The following TAF1B variants were observed in gnomAD, a reference collection of about 807,000 sequenced individuals.
TAF1B encodes the protein TATA box-binding protein-associated factor RNA polymerase I subunit B.
Under a neutral mutation model 83.9 loss-of-function variants are expected in TAF1B, and 61 were observed. The ratio of observed to expected loss-of-function variants is 0.73; its 90% CI spans 0.59 to 0.90. The LOEUF (loss-of-function observed/expected upper bound fraction) is 0.90. Among genes scored for constraint, TAF1B ranks in the 40% least tolerant of loss-of-function variants. The pLI is 0.00. For synonymous variants in TAF1B, 221 were observed against 224.6 expected, an observed-to-expected ratio of 0.98 and a Z score of 0.14; for missense variants, 625 against 677.0, an observed-to-expected ratio of 0.92 and a Z score of 0.85.
chr2:9,858,959 C>T (rs1438750483), intron 5 of TAF1B, among the ~76,000 whole-genome samples: 1 of 152,196 alleles, frequency 6.6e-6, no homozygotes, highest in Admixed American at 6.5e-5. Context: ...ATTGTCTTGA[C>T]TATTAACATT....
rs185347662 is a variant in TAF1B at position 9,890,264 on chromosome 2, C to T, written c.807+7459C>T. On this transcript the variant is annotated intron_variant, in intron 8 of 14. Coordinates refer to ENST00000263663, the MANE Select transcript of TAF1B (RefSeq NM_005680.3). ...TGCTGTCTGTTGTCCAATGCTTGAA[C>T]CTGTTCTTTCATATATTTTTTCCAG... Among the ~76,000 whole-genome samples, 7 of 152,234 alleles carry T rather than the reference C, an allele frequency of 4.6e-5. No homozygotes were observed. In the East Asian group the frequency reaches 1.4e-3, roughly 29 times the overall value.
intron 8 of TAF1B, among the ~76,000 whole-genome samples, chr2:9,897,769 C>T (rs976905876): frequency 6.6e-6 from 1 of 152,162 alleles, no homozygotes; most frequent in African/African-American, 2.4e-5. Context: ...TAGATTTGTT[C>T]ACCTTCTTAC....
intron 12 of TAF1B, among the ~76,000 whole-genome samples, chr2:9,918,423 C>T (rs1665757273): frequency 6.6e-6 from 1 of 152,104 alleles, no homozygotes; most frequent in African/African-American, 2.4e-5. Context: ...TGGAGGGAAC[C>T]CCAAGAGCCA....
intron 14 of TAF1B, among the ~76,000 whole-genome samples, chr2:9,932,036 C>G (rs1439270562): frequency 6.6e-6 from 1 of 152,196 alleles, no homozygotes; most frequent in Admixed American, 6.5e-5. Context: ...AAGGTCTTCT[C>G]TACGCTGTTT....
chr2:9,920,627 C>T (rs966377598), intron 14 of TAF1B, among the ~76,000 whole-genome samples: 3 of 151,942 alleles, frequency 2.0e-5, no homozygotes, highest in Non-Finnish European at 2.9e-5. Flanking sequence ...AGTGATCACC[C>T]AGTCAAGGTG....
intron 14 of TAF1B, 83 bp downstream of exon 14, chr2:9,919,903 A>C: frequency 1.5e-6 from 2 of 1,340,694 alleles, no homozygotes; most frequent in Non-Finnish European, 1.0e-6. Context: ...TTGGAATTAG[A>C]AGCTGGTGAG....
At chr2:9,926,521 A>G (rs1474259222) in intron 14 of TAF1B, among the ~76,000 whole-genome samples, 1 of 152,124 alleles carries the variant, frequency 6.6e-6, no homozygotes, top group Non-Finnish European at 1.5e-5. Flanking sequence ...TGGATAGCCT[A>G]TATGTTGATG....
intron 3 of TAF1B, among the ~76,000 whole-genome samples, chr2:9,850,784 C>G (rs568923421): frequency 6.6e-6 from 1 of 152,156 alleles, no homozygotes; most frequent in African/African-American, 2.4e-5. Context: ...AAACATGTAA[C>G]TCTGTCTATT....
At chr2:9,895,105 C>A (rs556788043) in intron 8 of TAF1B, among the ~76,000 whole-genome samples, 1 of 152,194 alleles carries the variant, frequency 6.6e-6, no homozygotes, top group African/African-American at 2.4e-5. Flanking sequence ...AAGTTGACAA[C>A]GCGTTTCTAA....
At chr2:9,843,779 T>G (rs535506824) in intron 1 of TAF1B, 4 of 507,064 alleles carry the variant, frequency 7.9e-6, no homozygotes, top group Non-Finnish European at 1.4e-5. Flanking sequence ...GGCGAGGTTG[T>G]GGGGGAGGGA....
At position 9,928,650 on chromosome 2, in the gene TAF1B, GCTCT is replaced by G. The variant is rs61291539; in HGVS notation, c.1566-5130_1566-5127del. Among the ~76,000 whole-genome samples, 601 of 152,258 alleles carry G rather than the reference GCTCT, an allele frequency of 3.9e-3. 3 individuals carry two copies. Among genetic ancestry groups the G allele is most frequent in the African/African-American group, 0.014 (562 of 41,558 alleles). ...TGAATGGGAGTTCACTCATGATTTAGCTCTCTGTTTGTCTGTTATTGGTGTAAAG... is the reference window on the plus strand; with the variant it reads ...TGAATGGGAGTTCACTCATGATTTAGCTGTTTGTCTGTTATTGGTGTAAAG... On this transcript the variant is annotated intron_variant, in intron 14 of 14. Transcript: ENST00000263663.
At chr2:9,888,238 C>A (rs907171243) in intron 8 of TAF1B, among the ~76,000 whole-genome samples, 2 of 152,068 alleles carry the variant, frequency 1.3e-5, no homozygotes, top group African/African-American at 4.8e-5. Flanking sequence ...AAGACCCTTA[C>A]AACAGAGTAT....
chr2:9,918,971 G>A, intron 12 of TAF1B, 70 bp from the exon 13 acceptor site: 4 of 1,287,054 alleles, frequency 3.1e-6, no homozygotes, highest in Non-Finnish European at 4.5e-6. Context: ...ATCTCAGATA[G>A]TGCTTCAGAC....
In TAF1B at chr2:9,923,131, G is replaced by A. The variant is rs184344292; in HGVS notation, c.1565+3311G>A. ...GGTGGTGCACGTGTATAATCTACTC[G>A]GGAGGCTGAGGCATGAGAATCACTT... On this transcript the variant is annotated intron_variant, in intron 14 of 14. Transcript: ENST00000263663. 1.7e-3 allele frequency among the ~76,000 whole-genome samples: 258 copies of A among 151,626 alleles called. 3 individuals carry two copies. The highest frequency in any genetic ancestry group is 6.1e-3 in the African/African-American group (251 of 41,322).
intron 5 of TAF1B, among the ~76,000 whole-genome samples, chr2:9,861,505 G>A (rs1180736648): frequency 6.6e-6 from 1 of 152,254 alleles, no homozygotes; most frequent in Non-Finnish European, 1.5e-5. Context: ...GCCTCTGTAG[G>A]CTCCACCTCT....
chr2:9,858,340 G>C (rs1663631545), intron 5 of TAF1B, among the ~76,000 whole-genome samples: 1 of 152,300 alleles, frequency 6.6e-6, no homozygotes, highest in South Asian at 2.1e-4. Flanking sequence ...ACAAGGTCTT[G>C]GGCAGCTTTG....
At chr2:9,920,645 G>T (rs183096618) in intron 14 of TAF1B, among the ~76,000 whole-genome samples, 2 of 151,970 alleles carry the variant, frequency 1.3e-5, no homozygotes, top group African/African-American at 4.8e-5. Flanking sequence ...GTGCTGTGTC[G>T]TTTTTCCACA....
chr2:9,877,457 C>T (rs544832011), intron 7 of TAF1B, among the ~76,000 whole-genome samples: 3 of 152,290 alleles, frequency 2.0e-5, no homozygotes, highest in South Asian at 2.1e-4. Context: ...GGTCAATTGT[C>T]CACTCAGTTA....
intron 9 of TAF1B, among the ~76,000 whole-genome samples, chr2:9,909,962 T>G (rs1331168960): frequency 6.6e-6 from 1 of 152,194 alleles, no homozygotes; most frequent in Admixed American, 6.5e-5. Context: ...ACTGAATGCA[T>G]GTAGAAGATT....
Sources: gnomAD v4.1 joint callset for allele counts (sites outside exome capture counted in the v4.1 genomes callset) on GRCh38, gnomAD v4.1.1 for gene constraint, MANE v1.5 for transcripts, NCBI Gene and HGNC (gene_info 2026-07-23, HGNC 2026-07-21) for gene names.